The following NECAB2 variants were observed in gnomAD, a reference collection of about 807,000 sequenced individuals.
NECAB2 encodes the protein N-terminal EF-hand calcium binding protein 2.
In NECAB2, 68 loss-of-function variants were observed where a neutral mutation model predicts 51.9. The observed-to-expected ratio is 1.31, with a 90% CI of 1.08 to 1.60. The LOEUF (loss-of-function observed/expected upper bound fraction) is 1.60, where lower values mean the gene tolerates loss of function less well. NECAB2 is among the 40% of genes most tolerant of loss of function. The pLI, the probability that NECAB2 is intolerant of heterozygous loss-of-function variation, is 0.00. For synonymous variants in NECAB2, 329 were observed against 203.5 expected, an observed-to-expected ratio of 1.62 and a Z score of -5.25; for missense variants, 854 against 490.3, an observed-to-expected ratio of 1.74 and a Z score of -7.00.
intron 5 of NECAB2, among the ~76,000 whole-genome samples, chr16:83,989,471 T>C (rs986264788): frequency 6.6e-6 from 1 of 152,284 alleles, no homozygotes; most frequent in Admixed American, 6.5e-5. Flanking sequence ...GAGTGATGGA[T>C]GGTTTAATTT....
intron 2 of NECAB2, among the ~76,000 whole-genome samples, chr16:83,973,941 G>A (rs551124064): frequency 1.1e-4 from 16 of 152,272 alleles, no homozygotes; most frequent in East Asian, 3.9e-4. Context: ...AGGAGCCACT[G>A]CAGTGTATAC....
At chr16:83,999,013 C>T (rs1048429979) in intron 10 of NECAB2, among the ~76,000 whole-genome samples, 7 of 152,160 alleles carry the variant, frequency 4.6e-5, no homozygotes, top group African/African-American at 1.4e-4. Context: ...GCCCAACTCC[C>T]TTCCCAGGGC....
intron 10 of NECAB2, among the ~76,000 whole-genome samples, chr16:83,998,596 A>G (rs1388185611): frequency 6.6e-6 from 1 of 152,092 alleles, no homozygotes; most frequent in African/African-American, 2.4e-5. Flanking sequence ...GTGCATATAC[A>G]ATCAAGTGTG....
At chr16:83,993,788 C>T (rs574410301) in intron 6 of NECAB2, among the ~76,000 whole-genome samples, 25 of 152,104 alleles carry the variant, frequency 1.6e-4, no homozygotes, top group Non-Finnish European at 2.6e-4. Flanking sequence ...AGGTCAGGAT[C>T]ACAGTTTCTG....
chr16:84,002,203 G>C lies in NECAB2; in HGVS notation c.1133-115G>C. The C allele has an allele frequency of 4.5e-6, 6 of 1,319,842 alleles. No homozygotes were observed. In the South Asian group the frequency reaches 5.9e-5, roughly 13 times the overall value. The allele number at this position is 1,319,842 out of a possible 1,614,324, so 81.8% of individuals were successfully genotyped here. A position where few individuals can be genotyped will look rare whatever the true frequency, so the allele number is the denominator to read the frequency against. On this transcript the variant is annotated intron_variant, in intron 12 of 12. Coordinates refer to ENST00000305202, the MANE Select transcript of NECAB2 (RefSeq NM_019065.3). ...ACCTGGGTGACCAGCAAGGACCTGT[G>C]TGTCACACAAGGACTCAAAGCCATC...
intron 5 of NECAB2, among the ~76,000 whole-genome samples, chr16:83,986,431 T>C (rs909952487): frequency 2.6e-5 from 4 of 152,202 alleles, no homozygotes; most frequent in African/African-American, 9.7e-5. Flanking sequence ...CGAAATCAGT[T>C]GGTGAATAAA....
chr16:83,965,255 A>G (rs775460960), upstream of NECAB2: 4 of 1,611,366 alleles, frequency 2.5e-6, no homozygotes, highest in Non-Finnish European at 3.4e-6. Flanking sequence ...CTTCCTGACC[A>G]GGAACCAGGC....
chr16:84,000,253 G>GGCAC (rs1567680752), intron 10 of NECAB2, among the ~76,000 whole-genome samples: 1 of 152,136 alleles, frequency 6.6e-6, no homozygotes, highest in African/African-American at 2.4e-5. Flanking sequence ...ATTTCAGCTG[G>GGCAC]GCACAGTGGC....
intron 3 of NECAB2, among the ~76,000 whole-genome samples, chr16:83,980,320 C>T (rs574610850): frequency 1.3e-5 from 2 of 152,318 alleles, no homozygotes; most frequent in East Asian, 1.9e-4. Context: ...GGGATAGGCT[C>T]ATGCTCAGCC....
intron 5 of NECAB2, among the ~76,000 whole-genome samples, chr16:83,982,721 G>A (rs1392995008): frequency 1.3e-5 from 2 of 152,164 alleles, no homozygotes; most frequent in Non-Finnish European, 2.9e-5. Flanking sequence ...ACTGATACAA[G>A]TTAGACCGGT....
chr16:83,992,239 G>A (rs549669281), intron 6 of NECAB2, among the ~76,000 whole-genome samples: 2 of 151,992 alleles, frequency 1.3e-5, no homozygotes, highest in African/African-American at 2.4e-5. Context: ...CCTTGTTTGT[G>A]TGCTTGGAAC....
intron 5 of NECAB2, among the ~76,000 whole-genome samples, chr16:83,988,830 G>C (rs1243328923): frequency 3.2e-5 from 4 of 123,730 alleles, no homozygotes; most frequent in Non-Finnish European, 6.0e-5. Flanking sequence ...GGCAAGCTCA[G>C]TCCCCCCCCA....
intron 6 of NECAB2, among the ~76,000 whole-genome samples, chr16:83,992,120 TGGG>T (rs59026220): frequency 0.16 from 23,576 of 152,074 alleles, 3,277 homozygotes; most frequent in African/African-American, 0.37. Flanking sequence ...AAAGAGAGAC[TGGG>T]GGGAAATCAG....
At chr16:83,993,355 G>A (rs2084650564) in intron 6 of NECAB2, 1 of 152,282 alleles carries the variant, frequency 6.6e-6, no homozygotes, top group African/African-American at 2.4e-5. Context: ...CGGGAGTCGA[G>A]TTTGCTCCCT....
intron 1 of NECAB2, among the ~76,000 whole-genome samples, chr16:83,970,040 C>T (rs1466496912): frequency 6.6e-6 from 1 of 152,196 alleles, no homozygotes; most frequent in Admixed American, 6.5e-5. Context: ...CAGAGACACA[C>T]CCATGCAGCC....
intron 3 of NECAB2, among the ~76,000 whole-genome samples, chr16:83,979,164 CT>C (rs1285291160): frequency 6.6e-6 from 1 of 152,172 alleles, no homozygotes. Flanking sequence ...CACCTCCAAT[CT>C]TGCCCTTTTC....
intron 2 of NECAB2, 27 bp from the exon 3 acceptor site, chr16:83,978,417 C>T (rs750011418): frequency 6.3e-6 from 10 of 1,595,452 alleles, no homozygotes; most frequent in Non-Finnish European, 8.6e-6. Context: ...CAGACACCAG[C>T]TCCTTTCTCT....
Position 83,972,163 on chromosome 16 carries a change from G to T in NECAB2, c.214G>T (p.Ala72Ser), listed in dbSNP as rs200933448. 1.2e-5 allele frequency: 19 copies of T among 1,613,466 alleles called. No homozygotes were observed. The highest frequency in any genetic ancestry group is 3.3e-5 in the Admixed American group (2 of 60,030). The change falls in exon 2 of 13, where the codon GCG becomes TCG. Residue 72 changes from alanine to serine, a missense_variant. Coordinates refer to ENST00000305202, the MANE Select transcript of NECAB2 (RefSeq NM_019065.3). ...TAVILDIFRR[A>S]DKNDDGKLSL... Reference sequence around the variant, plus strand: ...CTCTTTTCTGCAGATTTTCCGCCGTGCGGACAAAAATGGTGAGTTTCCCTT... The same window carrying T: ...CTCTTTTCTGCAGATTTTCCGCCGTTCGGACAAAAATGGTGAGTTTCCCTT...
intron 2 of NECAB2, 81 bp from the exon 3 acceptor site, chr16:83,978,363 A>G: frequency 9.0e-7 from 1 of 1,110,774 alleles, no homozygotes; most frequent in Non-Finnish European, 1.3e-6. Context: ...CATTGACTGG[A>G]TTTGGGGGCC....
Sources: gnomAD v4.1 joint callset for allele counts (sites outside exome capture counted in the v4.1 genomes callset) on GRCh38, gnomAD v4.1.1 for gene constraint, MANE v1.5 for transcripts, NCBI Gene and HGNC (gene_info 2026-07-23, HGNC 2026-07-21) for gene names.